The following RGS9 variants were observed in gnomAD, a reference collection of about 807,000 sequenced individuals.
RGS9 encodes regulator of G-protein signalling 9.
RGS9 carries 78 observed loss-of-function variants against 102.0 expected under a neutral mutation model. The ratio of observed to expected loss-of-function variants is 0.76; its 90% CI spans 0.64 to 0.92. RGS9 has a LOEUF of 0.92. Among genes scored for constraint, RGS9 ranks in the 40% least tolerant of loss-of-function variants. The probability of loss-of-function intolerance (pLI) is 0.00; values close to 1 mark genes in which losing one functional copy is unlikely to be tolerated. For synonymous variants in RGS9, 353 were observed against 318.6 expected (o/e 1.11, Z -1.15); for missense variants, 833 against 866.1 (o/e 0.96, Z 0.48).
At chr17:65,191,075 C>G (rs1429188866) in intron 11 of RGS9, among the ~76,000 whole-genome samples, 1 of 152,188 alleles carries the variant, frequency 6.6e-6, no homozygotes, top group Admixed American at 6.5e-5. Context: ...AAAATATGCC[C>G]TGACCCCACA....
At chr17:65,205,177 G>T (rs1913004282) in intron 15 of RGS9, among the ~76,000 whole-genome samples, 1 of 152,172 alleles carries the variant, frequency 6.6e-6, no homozygotes, top group Admixed American at 6.5e-5. Flanking sequence ...AGAATCGGAG[G>T]CTCAGAGTTA....
intron 1 of RGS9, among the ~76,000 whole-genome samples, chr17:65,139,317 G>T (rs1296526474): frequency 1.4e-5 from 2 of 145,676 alleles, no homozygotes; most frequent in Non-Finnish European, 3.0e-5. Context: ...TACACACACT[G>T]TTTTTTTCCC....
In RGS9 at chr17:65,173,393, G is replaced by A. The variant is rs550525862; in HGVS notation, c.583-4339G>A. Among the ~76,000 whole-genome samples the A allele has an allele frequency of 8.6e-4, 131 of 152,216 alleles. 1 individual carries two copies. Among genetic ancestry groups the A allele is most frequent in the South Asian group, 2.1e-4 (1 of 4,812 alleles). ...GGTGGAGTACCACCGAGAAGTGTCC[G>A]TCAGCTCCACGCTGGCCTTGCTCTG... On this transcript the variant is annotated intron_variant, in intron 8 of 18. Transcript: ENST00000262406. This position sits in a 1 kb window ranked among gnomAD's most constrained non-coding sequence, Gnocchi z 4.8.
At chr17:65,147,097 C>CT (rs1910394742) in intron 1 of RGS9, among the ~76,000 whole-genome samples, 1 of 152,180 alleles carries the variant, frequency 6.6e-6, no homozygotes. Flanking sequence ...CTCATTGCTG[C>CT]TGGACCTACA....
intron 8 of RGS9, among the ~76,000 whole-genome samples, chr17:65,171,876 C>T (rs1214605214): frequency 6.6e-6 from 1 of 152,246 alleles, no homozygotes; most frequent in East Asian, 1.9e-4. Context: ...CTCCCTTAGA[C>T]AGGCATGTGG....
chr17:65,198,243 A>C (rs968198000), intron 13 of RGS9, among the ~76,000 whole-genome samples: 1 of 147,926 alleles, frequency 6.8e-6, no homozygotes, highest in Admixed American at 6.8e-5. Context: ...ATGTCACCTC[A>C]TGAGGGGAAC....
intron 1 of RGS9, among the ~76,000 whole-genome samples, chr17:65,152,783 T>C (rs548196267): frequency 9.9e-5 from 15 of 152,236 alleles, no homozygotes; most frequent in Non-Finnish European, 2.1e-4. Context: ...CTCCCGCCTC[T>C]GCCTCCCAGA....
At chr17:65,204,386 A>T in intron 15 of RGS9, 85 bp downstream of exon 15, 1 of 1,500,366 alleles carries the variant, frequency 6.7e-7, no homozygotes. Context: ...TATAGGAAAA[A>T]GAGAGAGGAT....
At chr17:65,138,059 A>G (rs1471283633) in intron 1 of RGS9, among the ~76,000 whole-genome samples, 1 of 152,244 alleles carries the variant, frequency 6.6e-6, no homozygotes, top group Non-Finnish European at 1.5e-5. Context: ...CAATGCCCTG[A>G]GAGCCCTCAT....
intron 13 of RGS9, among the ~76,000 whole-genome samples, chr17:65,201,763 A>G (rs896926126): frequency 6.6e-6 from 1 of 152,160 alleles, no homozygotes; most frequent in Non-Finnish European, 1.5e-5. Context: ...AGCAATTACT[A>G]AGTTCCCAAT....
chr17:65,146,592 A>AT (rs1408565968), intron 1 of RGS9, among the ~76,000 whole-genome samples: 1 of 148,168 alleles, frequency 6.7e-6, no homozygotes, highest in African/African-American at 2.5e-5. Flanking sequence ...TCAAAAAAAA[A>AT]AAAAAAGAAA....
At chr17:65,148,385 G>A (rs549713655) in intron 1 of RGS9, among the ~76,000 whole-genome samples, 22 of 152,310 alleles carry the variant, frequency 1.4e-4, no homozygotes, top group African/African-American at 5.3e-4. Flanking sequence ...TGGGAGTGCA[G>A]GTATCTTTTC....
intron 1 of RGS9, among the ~76,000 whole-genome samples, chr17:65,142,294 C>T (rs1257708757): frequency 1.3e-5 from 2 of 152,068 alleles, no homozygotes; most frequent in Non-Finnish European, 2.9e-5. Flanking sequence ...AAAAGAAAAG[C>T]CCAGAACTGG....
At chr17:65,211,931 G>A (rs913817822) in intron 17 of RGS9, among the ~76,000 whole-genome samples, 1 of 152,218 alleles carries the variant, frequency 6.6e-6, no homozygotes, top group Non-Finnish European at 1.5e-5. Context: ...GTTCATGCAT[G>A]TGGGGTCATC....
At chr17:65,155,436 G>A (rs117259728) in intron 2 of RGS9, among the ~76,000 whole-genome samples, 3 of 152,338 alleles carry the variant, frequency 2.0e-5, no homozygotes, top group Non-Finnish European at 4.4e-5. Context: ...GTCACTTATT[G>A]TCTGTCCTTG....
chr17:65,192,356 A>G (rs1012470020), intron 11 of RGS9, among the ~76,000 whole-genome samples: 1 of 152,132 alleles, frequency 6.6e-6, no homozygotes, highest in Non-Finnish European at 1.5e-5. Context: ...GCTCACGCCT[A>G]TAATCCCAGC....
chr17:65,165,136 T>C (rs1172211326), intron 7 of RGS9, among the ~76,000 whole-genome samples: 1 of 152,176 alleles, frequency 6.6e-6, no homozygotes, highest in Non-Finnish European at 1.5e-5. Flanking sequence ...CTGTCTGCTC[T>C]GAGCAGGACT....
intron 16 of RGS9, among the ~76,000 whole-genome samples, chr17:65,209,409 G>C (rs1182026176): frequency 6.6e-6 from 1 of 152,124 alleles, no homozygotes; most frequent in Non-Finnish European, 1.5e-5. Context: ...GGCTTATGTA[G>C]TCAAGGGGCT....
intron 8 of RGS9, among the ~76,000 whole-genome samples, chr17:65,169,150 T>C (rs1443011393): frequency 6.6e-6 from 1 of 152,070 alleles, no homozygotes; most frequent in Non-Finnish European, 1.5e-5. Flanking sequence ...GGTGTCAGAG[T>C]TTATGGATTT....
Sources: gnomAD v4.1 joint callset for allele counts (sites outside exome capture counted in the v4.1 genomes callset) on GRCh38, gnomAD v4.1.1 for gene constraint, Gnocchi (gnomAD v3.1) non-coding constraint, MANE v1.5 for transcripts, NCBI Gene and HGNC (gene_info 2026-07-23, HGNC 2026-07-21) for gene names.